Variants in FSTL4 observed in about 807,000 individuals in gnomAD.
The protein encoded by FSTL4 is follistatin like 4.
Under a neutral mutation model 78.2 loss-of-function variants are expected in FSTL4, and 28 were observed. The ratio of observed to expected loss-of-function variants is 0.36; its 90% CI spans 0.27 to 0.49. The LOEUF is 0.49. Ranked by LOEUF, FSTL4 falls within the 20% of genes least tolerant of loss-of-function variation. FSTL4 has a pLI of 0.98. For missense variants in FSTL4, 922 were observed against 1,084.9 expected, an observed-to-expected ratio of 0.85 and a Z score of 2.11; for synonymous variants, 422 against 440.5, an observed-to-expected ratio of 0.96 and a Z score of 0.53.
the FSTL4 span, among the ~76,000 whole-genome samples, chr5:133,683,686 A>T: frequency 6.6e-6 from 1 of 151,958 alleles, no homozygotes; most frequent in African/African-American, 2.4e-5. Flanking sequence ...TCAGTTTTAT[A>T]TTTTCTGGAT....
intron 7 of FSTL4, among the ~76,000 whole-genome samples, chr5:133,241,336 T>C (rs1561638720): frequency 2.0e-5 from 3 of 152,250 alleles, no homozygotes; most frequent in African/African-American, 7.2e-5. Flanking sequence ...TGAGGGTGTC[T>C]TCTGTCGAAG....
intron 2 of FSTL4, among the ~76,000 whole-genome samples, chr5:133,599,245 T>A (rs987322987): frequency 1.4e-4 from 22 of 152,166 alleles, no homozygotes; most frequent in Non-Finnish European, 2.5e-4. Context: ...ACGGAGCATC[T>A]AAGGGACTCT....
chr5:133,512,578 C>T (rs1410513711), intron 3 of FSTL4, among the ~76,000 whole-genome samples: 2 of 152,114 alleles, frequency 1.3e-5, no homozygotes, highest in African/African-American at 4.8e-5. Flanking sequence ...GCTACATATC[C>T]CAAGCAGTAT....
intron 6 of FSTL4, among the ~76,000 whole-genome samples, chr5:133,256,279 C>A (rs1204687451): frequency 6.6e-6 from 1 of 152,184 alleles, no homozygotes; most frequent in African/African-American, 2.4e-5. Flanking sequence ...AATGTGCTTT[C>A]CTGAAACAAA....
At chr5:133,250,419 G>C (rs1489900229) in intron 6 of FSTL4, among the ~76,000 whole-genome samples, 2 of 152,176 alleles carry the variant, frequency 1.3e-5, no homozygotes, top group Non-Finnish European at 2.9e-5. Context: ...CCCCAAATCT[G>C]TGCACTCAGG....
the FSTL4 span, among the ~76,000 whole-genome samples, chr5:133,686,258 C>T: frequency 6.6e-6 from 1 of 152,358 alleles, no homozygotes; most frequent in South Asian, 2.1e-4. Context: ...TACTCACTAG[C>T]TCTGCACCTT....
chr5:133,765,496 A>AC, the FSTL4 span, among the ~76,000 whole-genome samples: 1 of 152,224 alleles, frequency 6.6e-6, no homozygotes, highest in Non-Finnish European at 1.5e-5. Context: ...AGCAAGGGAC[A>AC]CCTCACTGAC....
chr5:133,273,323 T>C (rs1752807763), intron 6 of FSTL4, among the ~76,000 whole-genome samples: 1 of 152,272 alleles, frequency 6.6e-6, no homozygotes, highest in Admixed American at 6.5e-5. Context: ...CTTTAAAATC[T>C]AATGTGTATT....
rs539706883 is a variant in FSTL4 at position 133,240,137 on chromosome 5, C to T, written c.895-6600G>A. ...TCTGCAGCTGCACTTCTGAAGCCAG[C>T]GAGACCACGAACCCACCAGAAGGAA... On this transcript the variant is annotated intron_variant, in intron 7 of 15. Transcript: ENST00000265342. Among the ~76,000 whole-genome samples the T allele has an allele frequency of 1.2e-3, 182 of 152,286 alleles. 1 individual carries two copies. The highest frequency in any genetic ancestry group is 3.9e-3 in the African/African-American group (160 of 41,544).
At chr5:133,397,534 A>G (rs928617080) in intron 4 of FSTL4, among the ~76,000 whole-genome samples, 1 of 152,256 alleles carries the variant, frequency 6.6e-6, no homozygotes, top group Non-Finnish European at 1.5e-5. Flanking sequence ...AGCAACTGGA[A>G]TGTGATACCA....
At chr5:133,357,419 G>C (rs1325816190) in intron 4 of FSTL4, among the ~76,000 whole-genome samples, 1 of 152,148 alleles carries the variant, frequency 6.6e-6, no homozygotes. Flanking sequence ...AGGAGATGCT[G>C]ATAGATATTC....
At chr5:133,558,775 C>G (rs939960726) in intron 3 of FSTL4, among the ~76,000 whole-genome samples, 4 of 152,148 alleles carry the variant, frequency 2.6e-5, no homozygotes, top group African/African-American at 9.7e-5. Context: ...CCCTGGTTGC[C>G]TGATCTGCCA....
chr5:133,803,857 G>C, the FSTL4 span, among the ~76,000 whole-genome samples: 34 of 152,236 alleles, frequency 2.2e-4, no homozygotes, highest in African/African-American at 7.0e-4. Flanking sequence ...GTTCCAATTA[G>C]AGTATACCAA....
chr5:133,362,053 C>CA (rs1755083632), intron 4 of FSTL4, among the ~76,000 whole-genome samples: 3 of 152,126 alleles, frequency 2.0e-5, no homozygotes, highest in Non-Finnish European at 2.9e-5. Context: ...GGAATGAGTA[C>CA]ACATTATTTT....
the FSTL4 span, among the ~76,000 whole-genome samples, chr5:133,790,612 C>T: frequency 6.6e-6 from 1 of 152,136 alleles, no homozygotes; most frequent in Non-Finnish European, 1.5e-5. Context: ...CAGCTGCCCC[C>T]TCAACATCTC....
the FSTL4 span, among the ~76,000 whole-genome samples, chr5:133,643,085 C>T: frequency 1.3e-5 from 2 of 152,158 alleles, no homozygotes; most frequent in African/African-American, 4.8e-5. Flanking sequence ...GTGTGAAAGT[C>T]GGAGACTGCC....
the FSTL4 span, among the ~76,000 whole-genome samples, chr5:133,620,895 A>G: frequency 1.3e-5 from 2 of 152,236 alleles, no homozygotes; most frequent in African/African-American, 4.8e-5. Flanking sequence ...AACTAAAAGT[A>G]GAACTACCAT....
At chr5:133,707,485 G>A in the FSTL4 span, among the ~76,000 whole-genome samples, 550 of 152,344 alleles carry the variant, frequency 3.6e-3, 1 homozygote, top group Non-Finnish European at 5.5e-3. Context: ...GAAAACGAAT[G>A]ATGCACATGA....
chr5:133,422,616 G>A (rs1446094227), intron 3 of FSTL4, among the ~76,000 whole-genome samples: 2 of 152,152 alleles, frequency 1.3e-5, no homozygotes, highest in Admixed American at 1.3e-4. Flanking sequence ...TGGCTATTAC[G>A]TGTCTAAGTG....
Sources: gnomAD v4.1 joint callset for allele counts (sites outside exome capture counted in the v4.1 genomes callset) on GRCh38, gnomAD v4.1.1 for gene constraint, MANE v1.5 for transcripts, NCBI Gene and HGNC (gene_info 2026-07-23, HGNC 2026-07-21) for gene names.